Variants in CAT observed in about 807,000 individuals in gnomAD.
CAT encodes catalase, also known as epididymis secretory sperm binding protein.
CAT carries 43 observed loss-of-function variants against 59.0 expected under a neutral mutation model. The ratio of observed to expected loss-of-function variants is 0.73; its 90% CI spans 0.57 to 0.94. CAT has a LOEUF of 0.94. CAT is among the 40% of genes least tolerant of loss of function. The pLI, the probability that CAT is intolerant of heterozygous loss-of-function variation, is 0.00. For synonymous variants in CAT, 218 were observed against 230.9 expected, an observed-to-expected ratio of 0.94 and a Z score of 0.51; for missense variants, 664 against 682.9, an observed-to-expected ratio of 0.97 and a Z score of 0.31.
At position 34,468,311 on chromosome 11, in the gene CAT, G is replaced by GCTT; in HGVS notation, c.1352_1353insTCT (p.Leu451dup). ...AGGTGCGGGCATTCTATGTGAACGT[G>GCTT]CTGAATGAGGAACAGAGGAAACGTC... On this transcript the variant is annotated inframe_insertion, in exon 11 of 13. Transcript: ENST00000241052. The GCTT allele has an allele frequency of 6.2e-7, 1 of 1,613,992 alleles. No individual in the cohort carries two copies. The highest frequency in any genetic ancestry group is 8.5e-7 in the Non-Finnish European group (1 of 1,179,906).
chr11:34,468,339 T>C lies in CAT; in HGVS notation c.1378T>C (p.Cys460Arg). Residue 460 changes from cysteine (C) to arginine (R), a missense_variant, in exon 11 of 13, where the codon TGT (cysteine) becomes CGT (arginine). By Grantham distance (180) the Cys-to-Arg change is radical (BLOSUM62 -3). Coordinates refer to ENST00000241052, the MANE Select transcript of CAT (RefSeq NM_001752.4). ...VLNEEQRKRL[C>R]ENIAGHLKDA... ...GAATGAGGAACAGAGGAAACGTCTGTGTGAGAACATTGCCGGCCACCTGAA... is the reference window on the plus strand; with the variant it reads ...GAATGAGGAACAGAGGAAACGTCTGCGTGAGAACATTGCCGGCCACCTGAA... 6.2e-7 allele frequency: 1 copy of C among 1,614,122 alleles called. No individual in the cohort carries two copies. The highest frequency in any genetic ancestry group is 8.5e-7 in the Non-Finnish European group (1 of 1,180,006).
At chr11:34,452,249 C>T (rs760959940) in intron 4 of CAT, 42 bp downstream of exon 4, 10 of 1,586,686 alleles carry the variant, frequency 6.3e-6, no homozygotes, top group Non-Finnish European at 8.7e-6. Flanking sequence ...TGTTTGTTGA[C>T]TTAAATTGAT....
At chr11:34,451,610 G>A (rs145241431) in intron 3 of CAT, among the ~76,000 whole-genome samples, 38 of 152,228 alleles carry the variant, frequency 2.5e-4, no homozygotes, top group East Asian at 3.9e-4. Flanking sequence ...CACTAGTTCC[G>A]TTTCTGTGTC....
intron 1 of CAT, among the ~76,000 whole-genome samples, chr11:34,442,196 A>G (rs1856398773): frequency 6.6e-6 from 1 of 152,234 alleles, no homozygotes; most frequent in Admixed American, 6.5e-5. Flanking sequence ...TAAAAATTGA[A>G]TTGCTTTTAA....
chr11:34,456,830 G>A lies in CAT; in HGVS notation c.1056+13G>A, dbSNP rs766469822. On this transcript the variant is annotated intron_variant, in intron 8 of 12. Coordinates refer to ENST00000241052, the MANE Select transcript of CAT (RefSeq NM_001752.4). The stretch of plus-strand genomic sequence containing the variant: ...CAAAATGCTTCAGGTGAGCCTGGTG[G>A]ATTGAGATGTTCTGAGGCAGGTGTC... 6.2e-7 allele frequency: 1 copy of A among 1,614,034 alleles called. No individual in the cohort carries two copies. Among genetic ancestry groups the A allele is most frequent in the South Asian group, 1.1e-5 (1 of 91,072 alleles).
intron 4 of CAT, 72 bp from the exon 5 acceptor site, chr11:34,453,018 A>G (rs1856545594): frequency 9.4e-6 from 8 of 849,256 alleles, no homozygotes; most frequent in Non-Finnish European, 1.6e-5. Context: ...AGTAATAGGC[A>G]TATATAATGA....
rs752283917 is a variant in CAT, at chr11:34,453,786, A to G, written c.586-15A>G. On this transcript the variant is annotated splice_polypyrimidine_tract_variant and intron_variant, in intron 5 of 12. Coordinates refer to ENST00000241052, the MANE Select transcript of CAT (RefSeq NM_001752.4). Reference sequence around the variant, plus strand: ...TAAATGAAAACATTTTAGGCTTTATATTTCTGTTCTTTAGGTTTCTTTCTT... The same window carrying G: ...TAAATGAAAACATTTTAGGCTTTATGTTTCTGTTCTTTAGGTTTCTTTCTT... 2.5e-6 allele frequency: 4 copies of G among 1,610,906 alleles called. No homozygotes were observed. The East Asian group carries it at 8.9e-5, about 36-fold the overall frequency.
intron 1 of CAT, 115 bp downstream of exon 1, chr11:34,439,194 A>C (rs997030843): frequency 2.4e-4 from 235 of 987,236 alleles, no homozygotes; most frequent in Non-Finnish European, 3.4e-4. Flanking sequence ...ACCGCGGCTC[A>C]CTGGGCAGGG....
chr11:34,447,373 G>C (rs1025289821), intron 1 of CAT, among the ~76,000 whole-genome samples: 1 of 152,024 alleles, frequency 6.6e-6, no homozygotes, highest in Non-Finnish European at 1.5e-5. Context: ...AGGTGAAATT[G>C]CTCTTTTTCT....
At chr11:34,452,617 G>T (rs1682388441) in intron 4 of CAT, among the ~76,000 whole-genome samples, 1 of 152,076 alleles carries the variant, frequency 6.6e-6, no homozygotes. Flanking sequence ...ACTTTGGGAG[G>T]CCAAGGCAGG....
chr11:34,454,062 C>CAATGAGA, intron 6 of CAT, 136 bp downstream of exon 6: 2 of 887,680 alleles, frequency 2.3e-6, no homozygotes, highest in Non-Finnish European at 3.5e-6. Flanking sequence ...AAGTATTGAT[C>CAATGAGA]TCATTGATCA....
At chr11:34,444,300 A>G (rs1856424981) in intron 1 of CAT, among the ~76,000 whole-genome samples, 1 of 152,192 alleles carries the variant, frequency 6.6e-6, no homozygotes. Flanking sequence ...GGCAGGATTT[A>G]TAGTAAATAG....
At chr11:34,470,146 T>C (rs983721889) in intron 11 of CAT, among the ~76,000 whole-genome samples, 6 of 152,330 alleles carry the variant, frequency 3.9e-5, no homozygotes, top group Admixed American at 3.9e-4. Flanking sequence ...TATGCACACT[T>C]CTGCAGATTC....
chr11:34,458,929 A>G (rs2133187636), intron 8 of CAT, among the ~76,000 whole-genome samples: 1 of 152,376 alleles, frequency 6.6e-6, no homozygotes, highest in South Asian at 2.1e-4. Flanking sequence ...GACAAGTAGA[A>G]AGTAATATAA....
At chr11:34,442,532 C>T (rs980624500) in intron 1 of CAT, among the ~76,000 whole-genome samples, 9 of 151,990 alleles carry the variant, frequency 5.9e-5, no homozygotes, top group African/African-American at 1.9e-4. Context: ...ACCCTGGAGG[C>T]GGAGGTTGCA....
rs1292908054 is a variant in CAT, at chr11:34,439,071, G to C, written c.58G>C (p.Ala20Pro). 2.5e-6 allele frequency: 4 copies of C among 1,590,700 alleles called. No homozygotes were observed. The highest frequency in any genetic ancestry group is 2.6e-6 in the Non-Finnish European group (3 of 1,168,742). The stretch of plus-strand genomic sequence containing the variant: ...GATGCAGCACTGGAAGGAGCAGCGG[G>C]CCGCGCAGGTACACTCTGTGCTCCC... Reference protein sequence around the residue: ...DQMQHWKEQRAAQKADVLTTG... With the variant: ...DQMQHWKEQRPAQKADVLTTG... The change falls in exon 1 of 13, where the codon GCC (alanine) becomes CCC (proline). Residue 20 changes from alanine to proline, a missense_variant. Transcript: ENST00000241052.
intron 3 of CAT, 117 bp downstream of exon 3, chr11:34,451,215 T>C (rs1280753060): frequency 1.3e-6 from 1 of 754,094 alleles, no homozygotes; most frequent in African/African-American, 1.7e-5. Flanking sequence ...CTCCAAATTA[T>C]GTCAAGGTTT....
intron 2 of CAT, among the ~76,000 whole-genome samples, chr11:34,449,950 G>T (rs1033205851): frequency 2.5e-4 from 38 of 152,312 alleles, no homozygotes; most frequent in African/African-American, 9.1e-4. Context: ...TGGACAGGAT[G>T]CTGTCCATTG....
chr11:34,468,594 G>A (rs570378272), intron 11 of CAT, 199 bp downstream of exon 11: 24 of 615,208 alleles, frequency 3.9e-5, no homozygotes, highest in South Asian at 9.8e-5. Flanking sequence ...CATATCCATC[G>A]TCCTTAGCTG....
Sources: allele counts gnomAD v4.1 joint callset (sites outside exome capture counted in the v4.1 genomes callset), GRCh38; gene constraint gnomAD v4.1.1; transcripts MANE v1.5; gene names NCBI Gene and HGNC (gene_info 2026-07-23, HGNC 2026-07-21).